Variants in EML1 observed in about 807,000 individuals in gnomAD.
EML1 encodes echinoderm microtubule-associated protein-like 1.
Under a neutral mutation model 110.4 loss-of-function variants are expected in EML1, and 27 were observed. The observed-to-expected ratio is 0.24, with a 90% CI of 0.18 to 0.34. The LOEUF is 0.34. Among genes scored for constraint, EML1 ranks in the 10% least tolerant of loss-of-function variants. The pLI is 1.00. For synonymous variants in EML1, 344 were observed against 385.8 expected (o/e 0.89, Z 1.27); for missense variants, 741 against 1,030.9 (o/e 0.72, Z 3.85).
chr14:99,786,218 G>T (rs1157097289), intron 1 of EML1, among the ~76,000 whole-genome samples: 1 of 152,142 alleles, frequency 6.6e-6, no homozygotes, highest in African/African-American at 2.4e-5. Context: ...CAGGATAAAA[G>T]GATCTGGTTG....
intron 9 of EML1, 125 bp downstream of exon 9, chr14:99,901,164 G>A: frequency 1.3e-6 from 1 of 767,366 alleles, no homozygotes; most frequent in South Asian, 1.7e-5. Flanking sequence ...TTTGGACTCT[G>A]AAACATTCCT....
chr14:99,744,599 A>G (rs1403210982), intron 1 of EML1, among the ~76,000 whole-genome samples: 1 of 152,228 alleles, frequency 6.6e-6, no homozygotes, highest in African/African-American at 2.4e-5. Flanking sequence ...GAAATAGAGC[A>G]CATTGTGTGA....
At chr14:99,911,333 G>A (rs748649209) in intron 12 of EML1, 89 bp from the exon 13 acceptor site, 79 of 1,450,820 alleles carry the variant, frequency 5.4e-5, no homozygotes, top group Non-Finnish European at 6.3e-5. Context: ...ACAATATTGC[G>A]TTTTAAAACC....
intron 13 of EML1, 77 bp from the exon 14 acceptor site, chr14:99,914,102 A>T: frequency 1.3e-6 from 2 of 1,542,350 alleles, no homozygotes; most frequent in Non-Finnish European, 1.8e-6. Flanking sequence ...TATCATTATG[A>T]TAAGTGTTTT....
intron 1 of EML1, among the ~76,000 whole-genome samples, chr14:99,798,583 G>C (rs970471350): frequency 2.0e-5 from 3 of 151,864 alleles, no homozygotes; most frequent in Non-Finnish European, 2.9e-5. Context: ...GTAGAAATGG[G>C]GTTTCACCAT....
At chr14:99,884,303 C>T (rs2059437951) in intron 4 of EML1, among the ~76,000 whole-genome samples, 1 of 152,092 alleles carries the variant, frequency 6.6e-6, no homozygotes, top group African/African-American at 2.4e-5. Context: ...CTGTCTTTAT[C>T]CCAGCCTGAA....
chr14:99,939,362 C>G lies in EML1; in HGVS notation c.2322+35C>G. 1 of 1,612,968 alleles carries G rather than the reference C, an allele frequency of 6.2e-7. No individual in the cohort carries two copies. Among genetic ancestry groups the G allele is most frequent in the Non-Finnish European group, 8.5e-7 (1 of 1,179,322 alleles). On this transcript the variant is annotated intron_variant, in intron 21 of 21. Transcript: ENST00000262233. The surrounding 1 kb of genome is among the most constrained non-coding windows in gnomAD (Gnocchi z 4.2). ...TTGTTTCTTCACTAATCTTATCCCC[C>G]ATGGGGCATGCACGTACACCCGACC...
Position 99,746,513 on chromosome 14 carries a change from G to A in EML1, c.28+8653G>A, listed in dbSNP as rs148928604. Among the ~76,000 whole-genome samples the A allele has an allele frequency of 6.3e-3, 965 of 152,230 alleles. 12 individuals are homozygous for A. The highest frequency in any genetic ancestry group is 0.022 in the African/African-American group (913 of 41,534). ...GGTTTCCACAGGATGGGGTGGGGGC[G>A]GATGTGCAGCATGAAGAGAAACAGG... is the stretch of plus-strand genomic sequence containing the variant. On this transcript the variant is annotated intron_variant, in intron 1 of 10. Coordinates refer to the EML1 transcript ENST00000554479.
intron 9 of EML1, 100 bp from the exon 10 acceptor site, chr14:99,907,538 C>T: frequency 1.0e-6 from 1 of 1,004,932 alleles, no homozygotes; most frequent in Non-Finnish European, 1.5e-6. Context: ...TACAATGTAG[C>T]AGACTCTTTA....
intron 4 of EML1, chr14:99,886,133 G>A (rs755713054): frequency 8.2e-6 from 2 of 244,086 alleles, no homozygotes; most frequent in Non-Finnish European, 1.6e-5. Flanking sequence ...TTTCCATGGT[G>A]GAGTATTCTG....
intron 1 of EML1, among the ~76,000 whole-genome samples, chr14:99,741,803 C>G (rs2057045953): frequency 6.6e-6 from 1 of 152,270 alleles, no homozygotes; most frequent in Admixed American, 6.5e-5. Flanking sequence ...GGTGGGGGGG[C>G]CTGGCGTGGT....
intron 1 of EML1, among the ~76,000 whole-genome samples, chr14:99,830,013 GT>G (rs554902687): frequency 5.3e-5 from 8 of 152,182 alleles, no homozygotes; most frequent in Non-Finnish European, 1.2e-4. Flanking sequence ...CTACCTAGGA[GT>G]AGAATTGCCG....
At chr14:99,851,719 T>C (rs2058809966) in intron 2 of EML1, among the ~76,000 whole-genome samples, 1 of 152,158 alleles carries the variant, frequency 6.6e-6, no homozygotes, top group Non-Finnish European at 1.5e-5. Flanking sequence ...TGAAAACTGT[T>C]ATCTCTTTAT....
At chr14:99,873,746 A>C (rs2059242699) in intron 3 of EML1, among the ~76,000 whole-genome samples, 1 of 152,256 alleles carries the variant, frequency 6.6e-6, no homozygotes, top group South Asian at 2.1e-4. Context: ...CAGTTTTTAG[A>C]CAGTGAAAGA....
chr14:99,819,123 TA>T (rs1213858901), intron 1 of EML1, among the ~76,000 whole-genome samples: 2 of 152,028 alleles, frequency 1.3e-5, no homozygotes, highest in Non-Finnish European at 1.5e-5. Context: ...CTAAGTTTTT[TA>T]AAAAGTTGTT....
chr14:99,886,106 T>C (rs1441736388), intron 4 of EML1: 1 of 265,100 alleles, frequency 3.8e-6, no homozygotes, highest in African/African-American at 2.3e-5. Flanking sequence ...TTAAGGACAA[T>C]TTTTGTAGAG....
At chr14:99,812,036 G>C (rs1287857917) in intron 1 of EML1, among the ~76,000 whole-genome samples, 1 of 151,786 alleles carries the variant, frequency 6.6e-6, no homozygotes, top group Admixed American at 6.6e-5. Flanking sequence ...CTGCGCAGTT[G>C]AAACCCACAG....
chr14:99,772,825 A>G (rs981685083), upstream of EML1: 1 of 152,210 alleles, frequency 6.6e-6, no homozygotes, highest in Non-Finnish European at 1.5e-5. Context: ...ATTTTATGAC[A>G]CATTAGTGGG....
Position 99,939,253 on chromosome 14 carries a change from G to A in EML1, c.2248G>A (p.Glu750Lys). ...TDINAVCRAHEKKLLSTGDDF... is the reference protein window; with the variant it reads ...TDINAVCRAHKKKLLSTGDDF... ...CATCAATGCCGTCTGTCGGGCCCATGAGAAGAAACTCCTGTCAACAGGCGA... is the reference window on the plus strand; with the variant it reads ...CATCAATGCCGTCTGTCGGGCCCATAAGAAGAAACTCCTGTCAACAGGCGA... The change falls in exon 21 of 22, where the codon GAG (glutamate) becomes AAG (lysine). Residue 750 changes from glutamate (E) to lysine (K), a missense_variant. Glu to Lys is a moderately conservative substitution (Grantham distance 56). Transcript: ENST00000262233. The surrounding 1 kb of genome is among the most constrained non-coding windows in gnomAD (Gnocchi z 4.2). The A allele has an allele frequency of 6.2e-7, 1 of 1,614,226 alleles. No homozygotes were observed. Among genetic ancestry groups the A allele is most frequent in the Non-Finnish European group, 8.5e-7 (1 of 1,180,050 alleles).
Sources: gnomAD v4.1 joint callset for allele counts (sites outside exome capture counted in the v4.1 genomes callset) on GRCh38, gnomAD v4.1.1 for gene constraint, Gnocchi (gnomAD v3.1) non-coding constraint, MANE v1.5 for transcripts, NCBI Gene and HGNC (gene_info 2026-07-23, HGNC 2026-07-21) for gene names.